Variants in PLD5 observed in about 807,000 individuals in gnomAD.
The protein encoded by PLD5 is phospholipase D family member 5.
Under a neutral mutation model 61.1 loss-of-function variants are expected in PLD5, and 36 were observed. The observed-to-expected ratio is 0.59, with a 90% CI of 0.45 to 0.78. The LOEUF is 0.78. PLD5 is among the 30% of genes least tolerant of loss of function. The pLI is 0.00. For synonymous variants in PLD5, 243 were observed against 242.8 expected, an observed-to-expected ratio of 1.00 and a Z score of -0.01; for missense variants, 515 against 644.4, an observed-to-expected ratio of 0.80 and a Z score of 2.17.
intron 7 of PLD5, 84 bp from the exon 8 acceptor site, chr1:242,107,923 T>C: frequency 7.8e-7 from 1 of 1,282,416 alleles, no homozygotes; most frequent in South Asian, 1.5e-5. Flanking sequence ...AACATTGATA[T>C]TACTCAGATC....
Position 242,124,554 on chromosome 1 carries a change from A to G in PLD5, c.847T>C (p.Trp283Arg). 5 of 1,614,074 alleles carry G rather than the reference A, an allele frequency of 3.1e-6. No individual in the cohort carries two copies. Among genetic ancestry groups the G allele is most frequent in the Non-Finnish European group, 4.2e-6 (5 of 1,179,958 alleles). Residue 283 changes from tryptophan to arginine, a missense_variant, in exon 6 of 10, where the codon TGG (tryptophan) becomes CGG (arginine). Around this residue, in one of 2 missense-constraint regions of PLD5, gnomAD observed 450 missense variants for 598.1 expected, o/e 0.75. Transcript: ENST00000536534. ...TAGACTCCATAGAGTCTTTTGGACC[A>G]GGTTTGAGGCACTCTGCTTTTGAAT... ...LKFKSRVPQT[W>R]SKRLYGVYDN... is the part of the protein sequence containing the mutation.
chr1:242,411,439 G>C (rs984894641), intron 1 of PLD5, among the ~76,000 whole-genome samples: 3 of 152,092 alleles, frequency 2.0e-5, no homozygotes, highest in African/African-American at 7.2e-5. Flanking sequence ...GTTTCACCGT[G>C]TTAGCCAGGG....
At chr1:242,529,156 C>T (rs991315258), upstream of PLD5, among the ~76,000 whole-genome samples, 1 of 152,038 alleles carries the variant, frequency 6.6e-6, no homozygotes, top group African/African-American at 2.4e-5. Flanking sequence ...ACCAGTAGAA[C>T]AAAATTAAAG....
upstream of PLD5, among the ~76,000 whole-genome samples, chr1:242,529,019 T>C (rs1024315546): frequency 2.0e-5 from 3 of 152,204 alleles, no homozygotes; most frequent in Admixed American, 6.5e-5. Flanking sequence ...CATAAAATCA[T>C]TGACCCAAGA....
chr1:242,282,638 A>G (rs2149129303), intron 3 of PLD5, among the ~76,000 whole-genome samples: 1 of 152,266 alleles, frequency 6.6e-6, no homozygotes, highest in South Asian at 2.1e-4. Context: ...ATTATTTTAT[A>G]GGTTCCTCAC....
chr1:242,141,761 T>A (rs2800767), intron 5 of PLD5, among the ~76,000 whole-genome samples: 1 of 151,854 alleles, frequency 6.6e-6, no homozygotes, highest in Non-Finnish European at 1.5e-5. Context: ...GGGAAAGCTA[T>A]GACTGAGCAA....
chr1:242,183,521 C>T (rs1016187964), intron 5 of PLD5, among the ~76,000 whole-genome samples: 1 of 152,170 alleles, frequency 6.6e-6, no homozygotes, highest in Admixed American at 6.5e-5. Context: ...TAGCTGAACT[C>T]GAAGGCAGAG....
chr1:242,397,346 GT>G (rs112932499), intron 1 of PLD5, among the ~76,000 whole-genome samples: 10 of 145,356 alleles, frequency 6.9e-5, no homozygotes, highest in South Asian at 6.5e-4. Flanking sequence ...TTTTTTCTTT[GT>G]TTTTTTTTTC....
At chr1:242,242,014 C>G (rs35832964) in intron 4 of PLD5, among the ~76,000 whole-genome samples, 30,604 of 99,322 alleles carry the variant, frequency 0.31, 3,947 homozygotes, top group East Asian at 0.39. Context: ...TATATATAGA[C>G]ACACACACAC....
chr1:242,178,400 AT>A (rs1667306090), intron 5 of PLD5: 1 of 152,156 alleles, frequency 6.6e-6, no homozygotes, highest in Non-Finnish European at 1.5e-5. Flanking sequence ...CATTGCTCTC[AT>A]CTATGGGGTC....
chr1:242,438,332 T>G (rs1303549321), intron 1 of PLD5, among the ~76,000 whole-genome samples: 1 of 151,556 alleles, frequency 6.6e-6, no homozygotes, highest in East Asian at 1.9e-4. Flanking sequence ...GGTGCAATCT[T>G]GGCTCACTGC....
Position 242,089,942 on chromosome 1 carries a change from G to T in PLD5, c.1523C>A (p.Pro508Gln), listed in dbSNP as rs200572394. 6.2e-7 allele frequency: 1 copy of T among 1,614,118 alleles called. No individual in the cohort carries two copies. Among genetic ancestry groups the T allele is most frequent in the Non-Finnish European group, 8.5e-7 (1 of 1,180,028 alleles). The change falls in exon 10 of 10, where the codon CCG becomes CAG. Residue 508 changes from proline (P) to glutamine (Q), a missense_variant. Transcript: ENST00000536534. The stretch of plus-strand genomic sequence containing the variant: ...GAGTTTGAACAGGCTTGAGCAGTTC[G>T]GCTGTTTGGTTGGCTGTAAGGTTTT... Reference protein sequence around the residue: ...YAKTLQPTKQPNCSSLFKLKP... With the variant: ...YAKTLQPTKQQNCSSLFKLKP...
At chr1:242,388,881 G>A (rs970573590) in intron 1 of PLD5, among the ~76,000 whole-genome samples, 1 of 152,100 alleles carries the variant, frequency 6.6e-6, no homozygotes, top group Non-Finnish European at 1.5e-5. Context: ...CTTGAACCCG[G>A]GAGGTGGAGG....
At chr1:242,405,067 G>A (rs1246475590) in intron 1 of PLD5, among the ~76,000 whole-genome samples, 2 of 151,762 alleles carry the variant, frequency 1.3e-5, no homozygotes, top group Admixed American at 1.3e-4. Context: ...TTTAAATAGA[G>A]ATGGAGTTTC....
chr1:242,129,652 T>A (rs960677219), intron 5 of PLD5, among the ~76,000 whole-genome samples: 5 of 152,234 alleles, frequency 3.3e-5, no homozygotes, highest in African/African-American at 7.2e-5. Flanking sequence ...TCTTAATTTT[T>A]AAAAATGAAC....
chr1:242,227,988 A>C (rs1385798007), intron 4 of PLD5, among the ~76,000 whole-genome samples: 1 of 152,232 alleles, frequency 6.6e-6, no homozygotes, highest in African/African-American at 2.4e-5. Context: ...CTTCTCCAGA[A>C]GCTTATTGTT....
At chr1:242,248,383 T>C (rs316900) in intron 4 of PLD5, among the ~76,000 whole-genome samples, 120,757 of 134,472 alleles carry the variant, frequency 0.9, 54,117 homozygotes, top group Middle Eastern at 0.97. Context: ...CAGCCAATCA[T>C]GTGTATATCT....
At chr1:242,215,382 T>G (rs1409761980) in intron 5 of PLD5, among the ~76,000 whole-genome samples, 1 of 151,664 alleles carries the variant, frequency 6.6e-6, no homozygotes, top group African/African-American at 2.4e-5. Context: ...AAAAATATGC[T>G]CAAAAAACAA....
At chr1:242,516,869 A>C (rs1193080636) in intron 1 of PLD5, among the ~76,000 whole-genome samples, 3 of 152,192 alleles carry the variant, frequency 2.0e-5, no homozygotes, top group Non-Finnish European at 4.4e-5. Context: ...TTGACATTTT[A>C]ATTGGAAATG....
Sources: allele counts gnomAD v4.1 joint callset (sites outside exome capture counted in the v4.1 genomes callset), GRCh38; gene constraint gnomAD v4.1.1; regional missense constraint gnomAD v4.1.1; transcripts MANE v1.5; gene names NCBI Gene and HGNC (gene_info 2026-07-23, HGNC 2026-07-21).